Variants in DNAI7 observed in about 807,000 individuals in gnomAD.
DNAI7 encodes the protein cancer susceptibility 1.
DNAI7 carries 78 observed loss-of-function variants against 86.6 expected under a neutral mutation model. That is an observed-to-expected ratio of 0.90 (90% CI 0.75 to 1.09). DNAI7 has a LOEUF of 1.09. DNAI7 is among the 50% of genes least tolerant of loss of function. The pLI, the probability that DNAI7 is intolerant of heterozygous loss-of-function variation, is 0.00. For synonymous variants in DNAI7, 274 were observed against 273.0 expected, an observed-to-expected ratio of 1.00 and a Z score of -0.04; for missense variants, 753 against 810.2, an observed-to-expected ratio of 0.93 and a Z score of 0.86.
Position 25,154,381 on chromosome 12 carries a change from A to T in DNAI7, c.376T>A (p.Trp126Arg). 1 of 1,611,688 alleles carries T rather than the reference A, an allele frequency of 6.2e-7. No homozygotes were observed. The highest frequency in any genetic ancestry group is 8.5e-7 in the Non-Finnish European group (1 of 1,179,292). The change falls in exon 6 of 16, where the codon TGG becomes AGG. Residue 126 changes from tryptophan to arginine, a missense_variant. Coordinates refer to ENST00000395987, the MANE Select transcript of DNAI7 (RefSeq NM_018272.5). ...AQEMNTFISLWKEKTNETFEE... is the reference protein window; with the variant it reads ...AQEMNTFISLRKEKTNETFEE... The stretch of plus-strand genomic sequence containing the variant: ...AAAGTCTCATTTGTTTTCTCTTTCC[A>T]CAAACTAATAAACGTGTTCATTTCT...
chr12:25,107,878 G>A (rs1360425586), downstream of DNAI7: 1 of 1,613,944 alleles, frequency 6.2e-7, no homozygotes, highest in African/African-American at 1.3e-5. Context: ...GGCTAATAAG[G>A]CCCTCTGGCT....
chr12:25,133,714 G>A (rs945676270), intron 9 of DNAI7, among the ~76,000 whole-genome samples: 5 of 152,132 alleles, frequency 3.3e-5, no homozygotes, highest in African/African-American at 7.2e-5. Context: ...AAGCATAAGC[G>A]TCTACACATG....
At chr12:25,134,348 C>T (rs4492902) in intron 9 of DNAI7, among the ~76,000 whole-genome samples, 17,082 of 106,872 alleles carry the variant, frequency 0.16, 1,189 homozygotes, top group Middle Eastern at 0.25. Context: ...TTTTCCTTGG[C>T]GTACTTTTTT....
intron 9 of DNAI7, among the ~76,000 whole-genome samples, chr12:25,137,834 G>C (rs1385801894): frequency 2.0e-5 from 3 of 152,082 alleles, no homozygotes; most frequent in African/African-American, 7.2e-5. Context: ...AGTCCAACAG[G>C]AAAATATTAC....
rs933197134 is a variant in DNAI7, at chr12:25,149,915, A to C, written c.439-141T>G. ...AAACCTTTCCTGTATTTATTCTGTA[A>C]TTTAAGATCATAAACAAAAATTTCC... On this transcript the variant is annotated intron_variant, in intron 6 of 15. Coordinates refer to ENST00000395987, the MANE Select transcript of DNAI7 (RefSeq NM_018272.5). 1.6e-5 allele frequency: 9 copies of C among 548,678 alleles called. No homozygotes were observed. The East Asian group carries it at 2.8e-4, about 17-fold the overall frequency. 34.0% of individuals were successfully genotyped at this position (548,678 alleles called of 1,614,324 possible). A position where few individuals can be genotyped will look rare whatever the true frequency, so the allele number is the denominator to read the frequency against.
intron 12 of DNAI7, among the ~76,000 whole-genome samples, chr12:25,117,665 A>G (rs941195250): frequency 1.3e-5 from 2 of 152,178 alleles, no homozygotes; most frequent in Non-Finnish European, 2.9e-5. Flanking sequence ...GTAGATACTT[A>G]TAATTTTATT....
At chr12:25,110,057 CATTT>C (rs1949680789) in intron 15 of DNAI7, 66 bp downstream of exon 15, 1 of 757,226 alleles carries the variant, frequency 1.3e-6, no homozygotes, top group Non-Finnish European at 2.3e-6. Flanking sequence ...GGTCTACATT[CATTT>C]AGTCTTTGAG....
chr12:25,109,679 T>A (rs1166215336), intron 15 of DNAI7, among the ~76,000 whole-genome samples: 3 of 152,062 alleles, frequency 2.0e-5, no homozygotes, highest in Non-Finnish European at 2.9e-5. Context: ...TGACAAAAAA[T>A]TTGAATTTTT....
chr12:25,122,091 G>C (rs1156469238), intron 10 of DNAI7, among the ~76,000 whole-genome samples, 178 bp from the exon 11 acceptor site: 4 of 152,142 alleles, frequency 2.6e-5, no homozygotes, highest in Non-Finnish European at 4.4e-5. Flanking sequence ...GTGGAAACAG[G>C]CATGAGTAAT....
chr12:25,188,673 C>A (rs1950247781), intron 2 of DNAI7, among the ~76,000 whole-genome samples: 1 of 130,206 alleles, frequency 7.7e-6, no homozygotes, highest in African/African-American at 3.2e-5. Context: ...GACTCTGTCT[C>A]AAAAAAAAAA....
chr12:25,165,393 T>G (rs1268735554), intron 2 of DNAI7, among the ~76,000 whole-genome samples: 1 of 152,210 alleles, frequency 6.6e-6, no homozygotes, highest in African/African-American at 2.4e-5. Context: ...GGGGTTACTC[T>G]AGAACCTCCT....
chr12:25,117,222 C>T (rs1473449922), intron 12 of DNAI7, among the ~76,000 whole-genome samples: 1 of 152,232 alleles, frequency 6.6e-6, no homozygotes, highest in African/African-American at 2.4e-5. Context: ...GCATGAGCCA[C>T]TGCGACCGGC....
At chr12:25,131,187 T>C (rs1180726491) in intron 9 of DNAI7, among the ~76,000 whole-genome samples, 1 of 145,736 alleles carries the variant, frequency 6.9e-6, no homozygotes. Context: ...GCTGGAAAAA[T>C]AGAGAACTTT....
chr12:25,190,300 G>A (rs923404026), intron 2 of DNAI7, among the ~76,000 whole-genome samples: 3 of 152,040 alleles, frequency 2.0e-5, no homozygotes, highest in Non-Finnish European at 4.4e-5. Flanking sequence ...TATCTAGAGT[G>A]AAGAAAAAGG....
chr12:25,174,668 A>G lies in DNAI7; in HGVS notation c.22-13471T>C, dbSNP rs866417866. ...TGGAATATAGATATCATATATATGG[A>G]ATATATATATCATATATATATGGAA... On this transcript the variant is annotated intron_variant, in intron 2 of 15. Coordinates refer to ENST00000395987, the MANE Select transcript of DNAI7 (RefSeq NM_018272.5). Among the ~76,000 whole-genome samples, 138 of 120,296 alleles carry G rather than the reference A, an allele frequency of 1.1e-3. 13 individuals carry two copies. The highest frequency in any genetic ancestry group is 3.7e-3 in the South Asian group (15 of 4,072). 78.9% of individuals were successfully genotyped at this position (120,296 alleles called of 152,430 possible). A position where few individuals can be genotyped will look rare whatever the true frequency, so the allele number is the denominator to read the frequency against.
intron 13 of DNAI7, among the ~76,000 whole-genome samples, chr12:25,113,878 C>A (rs576565940): frequency 3.2e-4 from 49 of 151,680 alleles, no homozygotes; most frequent in Non-Finnish European, 3.8e-4. Context: ...CCCAGGCAAC[C>A]ACTAATCTAC....
intron 2 of DNAI7, among the ~76,000 whole-genome samples, chr12:25,170,382 C>T (rs1371937517): frequency 6.7e-6 from 1 of 150,302 alleles, no homozygotes. Flanking sequence ...CAGAGCGAGA[C>T]TCCGTCTCAA....
At position 25,143,386 on chromosome 12, in the gene DNAI7, T is replaced by G. The variant is rs570008356; in HGVS notation, c.1002+979A>C. Among the ~76,000 whole-genome samples, 3 of 152,152 alleles carry G rather than the reference T, an allele frequency of 2.0e-5. No individual in the cohort carries two copies. The East Asian group carries it at 5.8e-4, about 29-fold the overall frequency. Reference sequence around the variant, plus strand: ...GTCTCAGCCTCCCAAGTAGCTGGGATTACAGGTATACACCACCACGCCCGG... The same window carrying G: ...GTCTCAGCCTCCCAAGTAGCTGGGAGTACAGGTATACACCACCACGCCCGG... On this transcript the variant is annotated intron_variant, in intron 9 of 15. Transcript: ENST00000395987.
intron 2 of DNAI7, among the ~76,000 whole-genome samples, chr12:25,178,405 A>C (rs906235010): frequency 6.6e-6 from 1 of 152,134 alleles, no homozygotes; most frequent in Non-Finnish European, 1.5e-5. Flanking sequence ...AAATAATGTC[A>C]TTTATTGTTA....
Sources: gnomAD v4.1 joint callset for allele counts (sites outside exome capture counted in the v4.1 genomes callset) on GRCh38, gnomAD v4.1.1 for gene constraint, MANE v1.5 for transcripts, NCBI Gene and HGNC (gene_info 2026-07-23, HGNC 2026-07-21) for gene names.